The following DPP6 variants were observed in gnomAD, a reference collection of about 807,000 sequenced individuals.
The protein encoded by DPP6 is dipeptidyl peptidase like 6.
Under a neutral mutation model 122.6 loss-of-function variants are expected in DPP6, and 69 were observed. That is an observed-to-expected ratio of 0.56 (90% CI 0.46 to 0.69). The LOEUF (loss-of-function observed/expected upper bound fraction) is 0.69, where lower values mean the gene tolerates loss of function less well. Among genes scored for constraint, DPP6 ranks in the 30% least tolerant of loss-of-function variants. The pLI, the probability that DPP6 is intolerant of heterozygous loss-of-function variation, is 0.00. For synonymous variants in DPP6, 418 were observed against 433.1 expected (o/e 0.97, Z 0.43); for missense variants, 928 against 1,116.9 (o/e 0.83, Z 2.41).
chr7:154,805,045 G>A (rs1285199316), intron 15 of DPP6, 81 bp downstream of exon 15: 1 of 1,516,170 alleles, frequency 6.6e-7, no homozygotes, highest in African/African-American at 1.4e-5. Context: ...CTTTTCAGCA[G>A]TTCGGAAAGG....
intron 1 of DPP6, among the ~76,000 whole-genome samples, chr7:154,226,713 T>C (rs980201265): frequency 2.0e-5 from 3 of 152,186 alleles, no homozygotes; most frequent in African/African-American, 7.2e-5. Context: ...AATGCTGTTT[T>C]AACAAGTGTC....
At chr7:153,830,712 A>T in the DPP6 span, among the ~76,000 whole-genome samples, 1 of 152,208 alleles carries the variant, frequency 6.6e-6, no homozygotes, top group African/African-American at 2.4e-5. Context: ...GTCCATCATG[A>T]GTAGAATTTT....
intron 1 of DPP6, among the ~76,000 whole-genome samples, chr7:154,203,690 G>A (rs1317976292): frequency 6.6e-6 from 1 of 152,214 alleles, no homozygotes; most frequent in Non-Finnish European, 1.5e-5. Flanking sequence ...AACCAAAAGT[G>A]AAGAAATAAT....
intron 1 of DPP6, among the ~76,000 whole-genome samples, chr7:153,999,884 G>A (rs537044453): frequency 3.3e-5 from 5 of 152,096 alleles, no homozygotes; most frequent in South Asian, 2.1e-4. Context: ...GCTTGAGCCC[G>A]GGGAGGGGGA....
At chr7:154,030,530 G>A (rs145847444) in intron 1 of DPP6, among the ~76,000 whole-genome samples, 1 of 152,126 alleles carries the variant, frequency 6.6e-6, no homozygotes. Context: ...CATCATAACG[G>A]TGCTTCCTGC....
intron 1 of DPP6, among the ~76,000 whole-genome samples, chr7:154,146,400 G>A (rs940161549): frequency 6.9e-6 from 1 of 145,512 alleles, no homozygotes; most frequent in Admixed American, 6.9e-5. Flanking sequence ...AGCACTTCCT[G>A]TGTACCCTGA....
chr7:154,018,619 C>T (rs1798544422), intron 1 of DPP6, among the ~76,000 whole-genome samples: 1 of 152,242 alleles, frequency 6.6e-6, no homozygotes, highest in Admixed American at 6.5e-5. Flanking sequence ...ATAGGAGAGC[C>T]TTTCAGGCAG....
rs138269782 is a variant in DPP6, at chr7:154,718,891, C to T, written c.763-8876C>T. On this transcript the variant is annotated intron_variant, in intron 7 of 25. Transcript: ENST00000377770. ...CTGACCTCAGGTGATCCACCCGCCT[C>T]GGCCTCCCAAAGTGAGTCTTCCTCT... Among the ~76,000 whole-genome samples, 1,149 of 152,132 alleles carry T rather than the reference C, an allele frequency of 7.6e-3. 18 individuals carry two copies. The highest frequency in any genetic ancestry group is 0.023 in the African/African-American group (942 of 41,506).
chr7:154,386,899 T>C (rs2151156151), intron 1 of DPP6, among the ~76,000 whole-genome samples: 1 of 151,604 alleles, frequency 6.6e-6, no homozygotes, highest in Non-Finnish European at 1.5e-5. Flanking sequence ...AGGCTGTGGA[T>C]GACGGAAATA....
At chr7:154,515,595 C>T (rs1239555552) in intron 3 of DPP6, among the ~76,000 whole-genome samples, 1 of 152,138 alleles carries the variant, frequency 6.6e-6, no homozygotes, top group Non-Finnish European at 1.5e-5. Context: ...CCTCCCTCAG[C>T]CTCCTGAGTA....
upstream of DPP6, chr7:154,052,305 C>A (rs111338127): frequency 6.5e-6 from 1 of 152,680 alleles, no homozygotes; most frequent in African/African-American, 2.4e-5. This position sits in a 1 kb window ranked among gnomAD's most constrained non-coding sequence, Gnocchi z 4.8. Context: ...GTCCCGGGCG[C>A]GGGGAGGAGG....
intron 13 of DPP6, 141 bp downstream of exon 13, chr7:154,801,603 A>G (rs1798371574): frequency 1.6e-6 from 2 of 1,246,706 alleles, no homozygotes; most frequent in South Asian, 1.6e-5. Context: ...AGGGCAGGGC[A>G]TGGCGCTGGT....
intron 6 of DPP6, among the ~76,000 whole-genome samples, chr7:154,656,922 C>T (rs77412573): frequency 1.5e-4 from 4 of 27,150 alleles, no homozygotes; most frequent in Non-Finnish European, 2.6e-4. Flanking sequence ...GGAGAGGATG[C>T]GTGGGAGGAG....
chr7:154,331,509 C>G (rs1013070468), intron 1 of DPP6, among the ~76,000 whole-genome samples: 2 of 152,192 alleles, frequency 1.3e-5, no homozygotes, highest in Non-Finnish European at 2.9e-5. Context: ...ATTCCCACTT[C>G]AGCTGATGGT....
At chr7:154,249,456 C>T (rs1239151835) in intron 1 of DPP6, among the ~76,000 whole-genome samples, 1 of 152,188 alleles carries the variant, frequency 6.6e-6, no homozygotes, top group Non-Finnish European at 1.5e-5. Flanking sequence ...CAAATAATTA[C>T]TCTTGCAAAC....
intron 1 of DPP6, among the ~76,000 whole-genome samples, chr7:154,034,852 C>G (rs1269584475): frequency 6.6e-5 from 10 of 150,420 alleles, no homozygotes; most frequent in Non-Finnish European, 1.3e-4. Flanking sequence ...GATCAACCAA[C>G]AGAAAATTGA....
the DPP6 span, among the ~76,000 whole-genome samples, chr7:153,762,548 A>C: frequency 6.6e-6 from 1 of 151,942 alleles, no homozygotes; most frequent in South Asian, 2.1e-4. Context: ...AGGCGTGTGG[A>C]TCACCTGAGG....
intron 1 of DPP6, among the ~76,000 whole-genome samples, chr7:153,906,688 G>A (rs2129001139): frequency 6.6e-6 from 1 of 152,302 alleles, no homozygotes; most frequent in Admixed American, 6.5e-5. Context: ...TCAGACTCAA[G>A]CAATCCACCC....
At chr7:154,593,743 C>A (rs1179520834) in intron 5 of DPP6, among the ~76,000 whole-genome samples, 5 of 152,198 alleles carry the variant, frequency 3.3e-5, no homozygotes, top group African/African-American at 1.2e-4. Context: ...TTTCCACACG[C>A]ATGGCTCTGT....
Sources: gnomAD v4.1 joint callset for allele counts (sites outside exome capture counted in the v4.1 genomes callset) on GRCh38, gnomAD v4.1.1 for gene constraint, Gnocchi (gnomAD v3.1) non-coding constraint, MANE v1.5 for transcripts, NCBI Gene and HGNC (gene_info 2026-07-23, HGNC 2026-07-21) for gene names.